Variants in GABRG3 observed in about 807,000 individuals in gnomAD.
GABRG3 encodes the protein gamma-aminobutyric acid receptor subunit gamma-3.
Under a neutral mutation model 48.8 loss-of-function variants are expected in GABRG3, and 25 were observed. That is an observed-to-expected ratio of 0.51 (90% confidence interval 0.37 to 0.72). The LOEUF is 0.72. Ranked by LOEUF, GABRG3 falls within the 30% of genes least tolerant of loss-of-function variation. The pLI, the probability that GABRG3 is intolerant of heterozygous loss-of-function variation, is 0.00. For missense variants in GABRG3, 394 were observed against 577.9 expected, an observed-to-expected ratio of 0.68 and a Z score of 3.26; for synonymous variants, 227 against 217.6, an observed-to-expected ratio of 1.04 and a Z score of -0.38.
intron 3 of GABRG3, among the ~76,000 whole-genome samples, chr15:27,105,863 T>C (rs575091009): frequency 1.3e-5 from 2 of 152,214 alleles, no homozygotes; most frequent in South Asian, 2.1e-4. Context: ...AGCCAAGATA[T>C]GGAAACAACC....
intron 3 of GABRG3, among the ~76,000 whole-genome samples, chr15:27,229,528 G>A (rs1006491162): frequency 1.3e-5 from 2 of 152,080 alleles, no homozygotes; most frequent in Admixed American, 6.5e-5. Flanking sequence ...TCAGGCTGGA[G>A]TGCAGTGGTG....
At chr15:27,114,500 A>T (rs75038850) in intron 3 of GABRG3, among the ~76,000 whole-genome samples, 1 of 152,194 alleles carries the variant, frequency 6.6e-6, no homozygotes, top group African/African-American at 2.4e-5. Context: ...TCCATAACAC[A>T]TGCATAACAG....
chr15:27,162,139 C>A (rs905924081), intron 3 of GABRG3, among the ~76,000 whole-genome samples: 1 of 152,076 alleles, frequency 6.6e-6, no homozygotes, highest in African/African-American at 2.4e-5. Context: ...TCTGGGGATG[C>A]TTAGGAAAAA....
intron 3 of GABRG3, among the ~76,000 whole-genome samples, chr15:27,285,290 TGTGTG>T (rs745809586): frequency 2.7e-5 from 4 of 150,512 alleles, no homozygotes; most frequent in Non-Finnish European, 5.9e-5. Context: ...TGTGTGTGTG[TGTGTG>T]TGTGTGTTTT....
At chr15:27,229,728 C>T (rs1295751941) in intron 3 of GABRG3, among the ~76,000 whole-genome samples, 10 of 152,112 alleles carry the variant, frequency 6.6e-5, no homozygotes, top group African/African-American at 2.2e-4. Flanking sequence ...CTGCCCGCCT[C>T]GGACCCCCAA....
chr15:27,166,655 C>T (rs1184110754), intron 3 of GABRG3, among the ~76,000 whole-genome samples: 1 of 152,132 alleles, frequency 6.6e-6, no homozygotes, highest in Non-Finnish European at 1.5e-5. Context: ...TCCAGCTTCC[C>T]GCAAGGAACT....
At chr15:27,350,164 T>C in intron 5 of GABRG3, 1 of 456,028 alleles carries the variant, frequency 2.2e-6, no homozygotes, top group Non-Finnish European at 4.4e-6. Flanking sequence ...TTCATGCATA[T>C]CGCTGACGTT....
At chr15:27,448,678 A>G (rs751301806) in intron 5 of GABRG3, among the ~76,000 whole-genome samples, 3 of 152,194 alleles carry the variant, frequency 2.0e-5, no homozygotes, top group African/African-American at 4.8e-5. Flanking sequence ...CAGAAAATGT[A>G]TGTTTGTTGA....
chr15:27,136,616 C>T (rs543422698), intron 3 of GABRG3, among the ~76,000 whole-genome samples: 23 of 152,112 alleles, frequency 1.5e-4, no homozygotes, highest in Admixed American at 5.9e-4. Context: ...GATCATAGGG[C>T]AGCTGCCTTG....
intron 3 of GABRG3, among the ~76,000 whole-genome samples, chr15:27,212,225 GACAA>G (rs1365479187): frequency 1.3e-5 from 2 of 152,210 alleles, no homozygotes; most frequent in Admixed American, 1.3e-4. Context: ...GTGTCTGAGG[GACAA>G]ACAGTGGCAT....
intron 6 of GABRG3, among the ~76,000 whole-genome samples, chr15:27,486,266 C>T (rs1342632020): frequency 6.6e-6 from 1 of 152,134 alleles, no homozygotes; most frequent in Non-Finnish European, 1.5e-5. Context: ...GGAGCTTTCC[C>T]TCTGGTGCCT....
At chr15:27,123,787 G>A (rs1455506480) in intron 3 of GABRG3, among the ~76,000 whole-genome samples, 1 of 152,156 alleles carries the variant, frequency 6.6e-6, no homozygotes, top group Non-Finnish European at 1.5e-5. Context: ...GGATGATAAT[G>A]GAGGCATTGC....
At chr15:27,002,506 A>G (rs78335694) in intron 2 of GABRG3, among the ~76,000 whole-genome samples, 10,101 of 152,244 alleles carry the variant, frequency 0.066, 381 homozygotes, top group East Asian at 0.18. Context: ...AAGCCATTCT[A>G]CTTTTAGTGC....
intron 4 of GABRG3, among the ~76,000 whole-genome samples, chr15:27,327,366 C>G (rs78048461): frequency 0.028 from 4,248 of 152,262 alleles, 207 homozygotes; most frequent in African/African-American, 0.098. Context: ...TAGAGTAAAT[C>G]TGAGACCACA....
At chr15:26,980,108 G>C (rs781541177) in intron 2 of GABRG3, among the ~76,000 whole-genome samples, 4 of 151,964 alleles carry the variant, frequency 2.6e-5, no homozygotes, top group African/African-American at 9.7e-5. Context: ...GTTTAGCATT[G>C]TTCATGATAT....
chr15:27,128,876 A>C (rs568314689), intron 3 of GABRG3, among the ~76,000 whole-genome samples: 23 of 152,252 alleles, frequency 1.5e-4, no homozygotes, highest in African/African-American at 5.3e-4. Flanking sequence ...TTTTTAATTG[A>C]TTTTCAGTTT....
At chr15:27,313,732 T>C (rs1198598199) in intron 3 of GABRG3, among the ~76,000 whole-genome samples, 1 of 151,758 alleles carries the variant, frequency 6.6e-6, no homozygotes, top group Non-Finnish European at 1.5e-5. Flanking sequence ...AAGCAATAGG[T>C]CAAAGAAGAA....
chr15:27,478,048 C>CA (rs71132811), intron 5 of GABRG3, among the ~76,000 whole-genome samples: 1,007 of 91,900 alleles, frequency 0.011, 13 homozygotes, highest in African/African-American at 0.029. Flanking sequence ...CTCCATGTCA[C>CA]AAAAAAAAAA....
At chr15:27,518,930 G>C (rs1891093161) in intron 6 of GABRG3, among the ~76,000 whole-genome samples, 1 of 152,208 alleles carries the variant, frequency 6.6e-6, no homozygotes, top group South Asian at 2.1e-4. Context: ...ATCTATGGCA[G>C]AAGGTGGTAG....
Sources: allele counts gnomAD v4.1 joint callset (sites outside exome capture counted in the v4.1 genomes callset), GRCh38; gene constraint gnomAD v4.1.1; transcripts MANE v1.5; gene names NCBI Gene and HGNC (gene_info 2026-07-23, HGNC 2026-07-21).